Variants in RAD54B observed in about 807,000 individuals in gnomAD.
RAD54B encodes the protein RAD54 homolog B.
RAD54B carries 78 observed loss-of-function variants against 95.8 expected under a neutral mutation model. The ratio of observed to expected loss-of-function variants is 0.81; its 90% CI spans 0.68 to 0.98. The LOEUF (loss-of-function observed/expected upper bound fraction) is 0.98, where lower values mean the gene tolerates loss of function less well. Ranked by LOEUF, RAD54B falls within the 50% of genes least tolerant of loss-of-function variation. The pLI, the probability that RAD54B is intolerant of heterozygous loss-of-function variation, is 0.00. For missense variants in RAD54B, 957 were observed against 1,056.6 expected (o/e 0.91, Z 1.31); for synonymous variants, 328 against 354.9 (o/e 0.92, Z 0.85).
chr8:94,390,237 A>G (rs937784025), intron 10 of RAD54B, among the ~76,000 whole-genome samples: 4 of 151,716 alleles, frequency 2.6e-5, no homozygotes, highest in African/African-American at 9.7e-5. Context: ...CGGTGGCTCA[A>G]GCCTGTAATC....
chr8:94,402,960 G>A (rs1401395554), intron 6 of RAD54B, among the ~76,000 whole-genome samples: 1 of 152,184 alleles, frequency 6.6e-6, no homozygotes, highest in African/African-American at 2.4e-5. Context: ...GATTCAGAAT[G>A]TGAGAGAGAA....
intron 3 of RAD54B, chr8:94,430,219 G>A: frequency 2.9e-6 from 2 of 701,332 alleles, no homozygotes; most frequent in African/African-American, 2.0e-5. Context: ...GCTGAAGCAG[G>A]AGAATCGCTT....
At chr8:94,391,997 G>T in intron 9 of RAD54B, 98 bp from the exon 10 acceptor site, 1 of 1,141,982 alleles carries the variant, frequency 8.8e-7, no homozygotes, top group Non-Finnish European at 1.2e-6. Context: ...TTTACTCATT[G>T]CTTCCCAACA....
At chr8:94,434,410 G>A (rs1050528202) in intron 3 of RAD54B, among the ~76,000 whole-genome samples, 6 of 151,830 alleles carry the variant, frequency 4.0e-5, no homozygotes, top group African/African-American at 1.4e-4. Context: ...TCAGAACTTT[G>A]AAGATCAGTT....
chr8:94,461,584 T>C (rs979974221), intron 2 of RAD54B, among the ~76,000 whole-genome samples: 1 of 152,196 alleles, frequency 6.6e-6, no homozygotes, highest in South Asian at 2.1e-4. Context: ...AGTCAACTAA[T>C]GAAGGTCACA....
At chr8:94,464,388 T>C (rs534214329) in intron 2 of RAD54B, among the ~76,000 whole-genome samples, 16 of 152,124 alleles carry the variant, frequency 1.1e-4, no homozygotes, top group African/African-American at 3.9e-4. Flanking sequence ...GGGAACAGAT[T>C]TCCCCTAAAA....
chr8:94,407,488 T>C lies in RAD54B; in HGVS notation c.732A>G (p.Arg244=). 1 of 1,613,932 alleles carries C rather than the reference T, an allele frequency of 6.2e-7. No homozygotes were observed. Among genetic ancestry groups the C allele is most frequent in the Non-Finnish European group, 8.5e-7 (1 of 1,179,836 alleles). Residue 244 remains arginine, a synonymous_variant, in exon 5 of 15, where the codon AGA becomes AGG. Transcript: ENST00000336148. Reference sequence around the variant, plus strand: ...GTTTGCAATTTTGGAAATCATTCTGTCTATTTTCCTTTGAACTTGGTTTAC... The same window carrying C: ...GTTTGCAATTTTGGAAATCATTCTGCCTATTTTCCTTTGAACTTGGTTTAC... The part of the protein sequence containing the change: ...SVCKPSSKEN[R]QNDFQNCKPR...
chr8:94,457,146 T>G (rs1052239244), intron 3 of RAD54B, among the ~76,000 whole-genome samples: 2 of 152,170 alleles, frequency 1.3e-5, no homozygotes, highest in African/African-American at 4.8e-5. Flanking sequence ...TGGGCATACA[T>G]GGATCATTTT....
At chr8:94,458,468 AC>A in intron 2 of RAD54B, 32 bp from the exon 3 acceptor site, 1 of 1,478,116 alleles carries the variant, frequency 6.8e-7, no homozygotes. Context: ...TTAAATCAGA[AC>A]TCAAACCTAA....
At chr8:94,386,136 A>G (rs1810885513) in intron 11 of RAD54B, among the ~76,000 whole-genome samples, 1 of 152,206 alleles carries the variant, frequency 6.6e-6, no homozygotes, top group South Asian at 2.1e-4. Context: ...GATCATCATA[A>G]CCCAAATCAG....
rs1301151748 is a variant in RAD54B at position 94,380,420 on chromosome 8, A to T, written c.1986-14T>A. 6.4e-7 allele frequency: 1 copy of T among 1,566,836 alleles called. No individual in the cohort carries two copies. Among genetic ancestry groups the T allele is most frequent in the Non-Finnish European group, 8.6e-7 (1 of 1,157,150 alleles). ...ACCAACACCACCCTGTCAATCAAAA[A>T]GAAAGATTCTTTAGATAAATTTAAA... is the stretch of plus-strand genomic sequence containing the variant. On this transcript the variant is annotated splice_polypyrimidine_tract_variant and intron_variant, in intron 11 of 14. Transcript: ENST00000336148.
chr8:94,463,027 T>TTAGCTAGG (rs1812943123), intron 2 of RAD54B, among the ~76,000 whole-genome samples: 1 of 151,690 alleles, frequency 6.6e-6, no homozygotes, highest in Non-Finnish European at 1.5e-5. Context: ...AATACAAAAA[T>TTAGCTAGG]TAGCTAGGCG....
At chr8:94,444,419 A>AAAC (rs1812472298) in intron 3 of RAD54B, among the ~76,000 whole-genome samples, 2 of 151,974 alleles carry the variant, frequency 1.3e-5, no homozygotes, top group East Asian at 1.9e-4. Flanking sequence ...TTAAAAAAAA[A>AAAC]AAAAAACTAA....
At chr8:94,378,479 T>C (rs1264439704) in intron 13 of RAD54B, 89 bp downstream of exon 13, 5 of 1,428,898 alleles carry the variant, frequency 3.5e-6, no homozygotes, top group Non-Finnish European at 4.8e-6. Context: ...AAAATAACAA[T>C]ATATTCCTGA....
At chr8:94,450,814 C>A in intron 3 of RAD54B, among the ~76,000 whole-genome samples, 1 of 149,950 alleles carries the variant, frequency 6.7e-6, no homozygotes, top group Non-Finnish European at 1.5e-5. Context: ...CAGAATGAGA[C>A]TGTCTCAAAA....
chr8:94,429,967 C>T (rs937180568), intron 3 of RAD54B: 98 of 985,254 alleles, frequency 9.9e-5, no homozygotes, highest in Middle Eastern at 5.2e-4. Context: ...AATTAGCCCT[C>T]TAATTCAAAG....
intron 3 of RAD54B, chr8:94,428,921 C>T (rs1812011542): frequency 8.1e-6 from 8 of 984,820 alleles, no homozygotes; most frequent in Non-Finnish European, 8.4e-6. Flanking sequence ...TAAACAGCCT[C>T]GGAAAAGGAT....
chr8:94,473,037 T>C (rs147541774), intron 1 of RAD54B, among the ~76,000 whole-genome samples: 4,622 of 136,466 alleles, frequency 0.034, 125 homozygotes, highest in Middle Eastern at 0.064. Flanking sequence ...ATCAAGCCAT[T>C]TAATTTGTTG....
intron 3 of RAD54B, among the ~76,000 whole-genome samples, chr8:94,424,054 TC>T (rs1402391728): frequency 6.6e-6 from 1 of 152,154 alleles, no homozygotes; most frequent in Non-Finnish European, 1.5e-5. Context: ...TCCAAGACCC[TC>T]CCTGCCACCA....
Sources: allele counts gnomAD v4.1 joint callset (sites outside exome capture counted in the v4.1 genomes callset), GRCh38; gene constraint gnomAD v4.1.1; transcripts MANE v1.5; gene names NCBI Gene and HGNC (gene_info 2026-07-23, HGNC 2026-07-21).